CPED1: variants seen among roughly 807,000 people sequenced by gnomAD.
CPED1 encodes the protein cadherin like and PC-esterase domain containing 1.
CPED1 carries 114 observed loss-of-function variants against 128.2 expected under a neutral mutation model. The ratio of observed to expected loss-of-function variants is 0.89; its 90% CI spans 0.76 to 1.04. The LOEUF (loss-of-function observed/expected upper bound fraction) is 1.04, where lower values mean the gene tolerates loss of function less well. Among genes scored for constraint, CPED1 ranks in the 50% least tolerant of loss-of-function variants. CPED1 has a pLI of 0.00. For missense variants in CPED1, 1,211 were observed against 1,207.1 expected (o/e 1.00, Z -0.05); for synonymous variants, 462 against 426.7 (o/e 1.08, Z -1.02).
chr7:121,245,025 C>T (rs189197861), intron 18 of CPED1, among the ~76,000 whole-genome samples: 5 of 152,284 alleles, frequency 3.3e-5, no homozygotes, highest in African/African-American at 1.2e-4. Context: ...TAATCCTTAA[C>T]CCAATTTTCA....
At chr7:121,063,266 T>C (rs970832672) in intron 4 of CPED1, among the ~76,000 whole-genome samples, 7 of 148,002 alleles carry the variant, frequency 4.7e-5, no homozygotes, top group Non-Finnish European at 4.5e-5. Context: ...TGCCAAGCAC[T>C]TTAAATGAAT....
chr7:121,124,368 C>T lies in CPED1; in HGVS notation c.956C>T (p.Ser319Leu). Residue 319 changes from serine to leucine, a missense_variant, in exon 8 of 23, where the codon TCA (serine) becomes TTA (leucine). By Grantham distance (145) the Ser-to-Leu change is moderately radical. Transcript: ENST00000310396. The stretch of plus-strand genomic sequence containing the variant: ...TTTGAGACATTCCTGAGAGCCAGTT[C>T]ACCTCAACAGGCTTTTGACATTATG... ...TFFETFLRAS[S>L]PQQAFDIMKE... is the part of the protein sequence containing the mutation. 1.2e-6 allele frequency: 2 copies of T among 1,609,692 alleles called. No individual in the cohort carries two copies. The highest frequency in any genetic ancestry group is 1.7e-6 in the Non-Finnish European group (2 of 1,177,448).
chr7:121,256,047 G>A (rs1354621161), intron 18 of CPED1, among the ~76,000 whole-genome samples: 1 of 122,306 alleles, frequency 8.2e-6, no homozygotes, highest in East Asian at 2.7e-4. Flanking sequence ...CATAGACTGG[G>A]AAAAACTATT....
chr7:121,254,860 T>A (rs1355980729), intron 18 of CPED1, among the ~76,000 whole-genome samples: 1 of 150,468 alleles, frequency 6.6e-6, no homozygotes, highest in Admixed American at 6.6e-5. Context: ...AAGGAAGAGA[T>A]CAAAATTTTG....
intron 16 of CPED1, among the ~76,000 whole-genome samples, chr7:121,225,237 C>T (rs1329579538): frequency 6.6e-6 from 1 of 152,048 alleles, no homozygotes; most frequent in Non-Finnish European, 1.5e-5. Flanking sequence ...TTATGAAGCT[C>T]AGTTTGACTG....
At chr7:121,025,576 C>A (rs753141645) in intron 3 of CPED1, among the ~76,000 whole-genome samples, 1 of 152,112 alleles carries the variant, frequency 6.6e-6, no homozygotes, top group African/African-American at 2.4e-5. Context: ...GGAATAAACA[C>A]CTTGCTCGTG....
At chr7:121,072,773 A>G (rs545062608) in intron 5 of CPED1, among the ~76,000 whole-genome samples, 2 of 152,346 alleles carry the variant, frequency 1.3e-5, no homozygotes, top group East Asian at 1.9e-4. Context: ...AATGAAATAT[A>G]TATATGAAAA....
chr7:121,060,384 G>A (rs1195715510), intron 4 of CPED1, among the ~76,000 whole-genome samples: 1 of 152,272 alleles, frequency 6.6e-6, no homozygotes, highest in Non-Finnish European at 1.5e-5. Context: ...TCCACTGGGT[G>A]AAGCCAGCTG....
chr7:121,287,822 A>G (rs918857025), intron 22 of CPED1, among the ~76,000 whole-genome samples: 2 of 152,134 alleles, frequency 1.3e-5, no homozygotes, highest in Admixed American at 6.5e-5. Context: ...AACTTTTGAT[A>G]TATTTTTCAC....
intron 16 of CPED1, among the ~76,000 whole-genome samples, chr7:121,211,998 T>C (rs1002994947): frequency 6.6e-6 from 1 of 151,986 alleles, no homozygotes; most frequent in Non-Finnish European, 1.5e-5. Context: ...GGCCATGGTG[T>C]CTTAAGTTCC....
intron 11 of CPED1, among the ~76,000 whole-genome samples, chr7:121,129,902 A>G (rs913412298): frequency 1.3e-5 from 2 of 151,720 alleles, no homozygotes; most frequent in Non-Finnish European, 2.9e-5. Context: ...AAGAAAAAAA[A>G]AAACTCACCC....
At chr7:121,138,358 T>C (rs538322698) in intron 14 of CPED1, among the ~76,000 whole-genome samples, 1 of 152,186 alleles carries the variant, frequency 6.6e-6, no homozygotes, top group East Asian at 1.9e-4. Flanking sequence ...TAAGCTGGCC[T>C]GAGACAAGTT....
chr7:120,994,657 G>GTGTGTGTGTGTGTGTGTTGT (rs148572524), intron 2 of CPED1, among the ~76,000 whole-genome samples: 11 of 149,196 alleles, frequency 7.4e-5, no homozygotes, highest in African/African-American at 2.7e-4. Flanking sequence ...GTGTGTGTGT[G>GTGTGTGTGTGTGTGTGTTGT]TGTTGTTGTT....
chr7:121,002,592 G>T (rs545105795), intron 2 of CPED1, among the ~76,000 whole-genome samples: 4 of 152,238 alleles, frequency 2.6e-5, no homozygotes, highest in South Asian at 2.1e-4. Context: ...AAGCAGATAG[G>T]TTTGAGGCAG....
At chr7:121,087,682 G>GTTTTTTTA (rs1794466437) in intron 5 of CPED1, among the ~76,000 whole-genome samples, 5 of 111,574 alleles carry the variant, frequency 4.5e-5, no homozygotes, top group Non-Finnish European at 5.2e-5. Context: ...TTTTTTTTTG[G>GTTTTTTTA]CAGAGTCTTT....
chr7:121,032,314 C>G (rs1286428393), intron 3 of CPED1, among the ~76,000 whole-genome samples: 1 of 152,030 alleles, frequency 6.6e-6, no homozygotes, highest in Non-Finnish European at 1.5e-5. Context: ...GAATTATGTT[C>G]TAAGCATTTC....
intron 16 of CPED1, among the ~76,000 whole-genome samples, chr7:121,196,947 T>G: frequency 6.6e-6 from 1 of 152,136 alleles, no homozygotes; most frequent in East Asian, 1.9e-4. Flanking sequence ...CTGAACTCAA[T>G]TTTTGTTTTG....
At chr7:121,131,957 G>A (rs993837230) in intron 12 of CPED1, among the ~76,000 whole-genome samples, 3 of 139,618 alleles carry the variant, frequency 2.1e-5, no homozygotes, top group African/African-American at 7.8e-5. Context: ...TATAGTGGGG[G>A]TAATGTTTTT....
At chr7:121,114,674 T>G (rs1442753594) in intron 7 of CPED1, among the ~76,000 whole-genome samples, 1 of 152,222 alleles carries the variant, frequency 6.6e-6, no homozygotes, top group Non-Finnish European at 1.5e-5. Flanking sequence ...ATGGGTAAAG[T>G]TTCTGTAAGT....
Sources: allele counts gnomAD v4.1 joint callset (sites outside exome capture counted in the v4.1 genomes callset), GRCh38; gene constraint gnomAD v4.1.1; transcripts MANE v1.5; gene names NCBI Gene and HGNC (gene_info 2026-07-23, HGNC 2026-07-21).